Variants in CA10 observed in about 807,000 individuals in gnomAD.
CA10 encodes carbonic anhydrase 10 (inactive).
CA10 carries 14 observed loss-of-function variants against 44.2 expected under a neutral mutation model. That is an observed-to-expected ratio of 0.32 (90% CI 0.21 to 0.50). The LOEUF (loss-of-function observed/expected upper bound fraction) is 0.50. CA10 is among the 20% of genes least tolerant of loss of function. CA10 has a pLI of 0.99. For missense variants in CA10, 350 were observed against 409.7 expected (o/e 0.85, Z 1.26); for synonymous variants, 159 against 141.6 (o/e 1.12, Z -0.87).
chr17:51,891,517 G>A (rs1980855293), intron 3 of CA10, among the ~76,000 whole-genome samples: 1 of 152,216 alleles, frequency 6.6e-6, no homozygotes, highest in Admixed American at 6.5e-5. Context: ...CTGGAAAGAA[G>A]GTTGAGACCA....
chr17:51,676,135 G>A (rs1372914538), intron 4 of CA10, among the ~76,000 whole-genome samples: 2 of 152,158 alleles, frequency 1.3e-5, no homozygotes, highest in Admixed American at 6.5e-5. Context: ...GTTATTTTGG[G>A]TATATACCTA....
rs1474076074 is a variant in CA10, at chr17:51,955,052, T to C, written c.137-23920A>G. On this transcript the variant is annotated intron_variant, in intron 2 of 8. Transcript: ENST00000451037. ...ATACACTGCATCTCATTTTTAAAAA[T>C]AGCCCGGCTCTTGGGTGGAGTATTT... is the stretch of plus-strand genomic sequence containing the variant. 2.0e-5 allele frequency among the ~76,000 whole-genome samples: 3 copies of C among 152,090 alleles called. No homozygotes were observed. The East Asian group carries it at 5.8e-4, about 29-fold the overall frequency.
rs115387555 is a variant in CA10 at position 51,829,620 on chromosome 17, T to C, written c.280-81802A>G. Reference sequence around the variant, plus strand: ...GGAAAGTAGCATTTACTTAGGTACCTAGTATATGCCAGGCATGTGCTAGAT... The same window carrying C: ...GGAAAGTAGCATTTACTTAGGTACCCAGTATATGCCAGGCATGTGCTAGAT... On this transcript the variant is annotated intron_variant, in intron 3 of 8. Transcript: ENST00000451037. Among the ~76,000 whole-genome samples the C allele has an allele frequency of 1.8e-3, 274 of 152,264 alleles. 1 individual carries two copies. Among genetic ancestry groups the C allele is most frequent in the African/African-American group, 6.5e-3 (269 of 41,556 alleles).
At chr17:51,950,348 C>T (rs1352510010) in intron 2 of CA10, among the ~76,000 whole-genome samples, 2 of 152,086 alleles carry the variant, frequency 1.3e-5, no homozygotes. Context: ...TTTTCTGTGC[C>T]CTGGGAGGCT....
At chr17:52,140,637 C>A (rs1030871244) in intron 1 of CA10, among the ~76,000 whole-genome samples, 2 of 152,222 alleles carry the variant, frequency 1.3e-5, no homozygotes, top group African/African-American at 4.8e-5. Context: ...TTGTCAGCCC[C>A]TGCTCTAGAG....
intron 2 of CA10, among the ~76,000 whole-genome samples, chr17:52,048,000 C>T (rs773326456): frequency 6.6e-6 from 1 of 150,818 alleles, no homozygotes; most frequent in Non-Finnish European, 1.5e-5. Flanking sequence ...TGCTTCTCAT[C>T]TATACACCAA....
chr17:52,028,710 T>C (rs913232199), intron 2 of CA10, among the ~76,000 whole-genome samples: 8 of 152,156 alleles, frequency 5.3e-5, no homozygotes, highest in African/African-American at 1.4e-4. Flanking sequence ...AGCCAGTGTA[T>C]TGCAAAGGGC....
At chr17:51,849,231 G>GTATATATATACATATA (rs1441221955) in intron 3 of CA10, among the ~76,000 whole-genome samples, 1 of 55,882 alleles carries the variant, frequency 1.8e-5, no homozygotes, top group Non-Finnish European at 5.0e-5. Context: ...ATATATGTGT[G>GTATATATATACATATA]TGTATATATA....
chr17:51,797,365 C>T (rs994523850), intron 3 of CA10, among the ~76,000 whole-genome samples: 2 of 152,180 alleles, frequency 1.3e-5, no homozygotes, highest in African/African-American at 4.8e-5. Context: ...CACGCGTGCA[C>T]GCACACACGC....
At chr17:51,877,251 C>CCTCA (rs977894739) in intron 3 of CA10, among the ~76,000 whole-genome samples, 2 of 152,164 alleles carry the variant, frequency 1.3e-5, no homozygotes, top group African/African-American at 4.8e-5. Context: ...CCCTGCCAAA[C>CCTCA]CTCAAATGGA....
At chr17:51,976,703 T>TA (rs1409861031) in intron 2 of CA10, among the ~76,000 whole-genome samples, 2 of 145,032 alleles carry the variant, frequency 1.4e-5, no homozygotes, top group East Asian at 2.0e-4. Context: ...GAAGATAAAA[T>TA]AAAAAACAAA....
At chr17:52,119,373 G>C (rs117980321) in intron 1 of CA10, among the ~76,000 whole-genome samples, 3,878 of 152,306 alleles carry the variant, frequency 0.025, 133 homozygotes, top group Admixed American at 0.099. Context: ...ATCCCGTTAA[G>C]GAATCAAGCT....
intron 2 of CA10, among the ~76,000 whole-genome samples, chr17:52,061,257 A>T (rs1252241591): frequency 2.0e-5 from 3 of 152,118 alleles, no homozygotes; most frequent in African/African-American, 7.2e-5. Flanking sequence ...GGTCAGAGTT[A>T]GAGAAAGATA....
chr17:51,736,530 T>C (rs1916920379), intron 4 of CA10, among the ~76,000 whole-genome samples: 1 of 151,962 alleles, frequency 6.6e-6, no homozygotes, highest in Admixed American at 6.5e-5. Context: ...TGGCTGGGAG[T>C]GTGATTTAAA....
At chr17:51,631,741 T>C in intron 8 of CA10, 135 bp from the exon 9 acceptor site, 6 of 746,184 alleles carry the variant, frequency 8.0e-6, no homozygotes, top group Non-Finnish European at 1.2e-5. Context: ...CTTACTTATA[T>C]GCATTCCAAC....
At chr17:51,938,382 G>A (rs1044900665) in intron 2 of CA10, among the ~76,000 whole-genome samples, 69 of 152,044 alleles carry the variant, frequency 4.5e-4, no homozygotes, top group African/African-American at 1.6e-3. Flanking sequence ...GTACAGGGAG[G>A]CAACTTTCAG....
chr17:51,929,671 G>A (rs958143122), intron 3 of CA10, among the ~76,000 whole-genome samples: 4 of 144,644 alleles, frequency 2.8e-5, no homozygotes, highest in Non-Finnish European at 4.5e-5. Flanking sequence ...ACTGACCAGC[G>A]AACTCACACG....
chr17:52,039,902 C>T (rs768034177), intron 2 of CA10, among the ~76,000 whole-genome samples: 84 of 152,048 alleles, frequency 5.5e-4, no homozygotes, highest in Non-Finnish European at 4.0e-4. Context: ...ACAGTACATT[C>T]TATGTTATTC....
intron 1 of CA10, among the ~76,000 whole-genome samples, chr17:52,113,144 G>A (rs920466369): frequency 6.6e-6 from 1 of 152,268 alleles, no homozygotes; most frequent in Admixed American, 6.5e-5. Flanking sequence ...TCAAAGATTG[G>A]CTTAGAATAT....
Sources: gnomAD v4.1 joint callset for allele counts (sites outside exome capture counted in the v4.1 genomes callset) on GRCh38, gnomAD v4.1.1 for gene constraint, MANE v1.5 for transcripts, NCBI Gene and HGNC (gene_info 2026-07-23, HGNC 2026-07-21) for gene names.